The following MCTP2 variants were observed in gnomAD, a reference collection of about 807,000 sequenced individuals.
MCTP2 encodes the protein multiple C2 and transmembrane domain-containing protein 2.
In MCTP2, 132 loss-of-function variants were observed where a neutral mutation model predicts 111.6. The ratio of observed to expected loss-of-function variants is 1.18; its 90% CI spans 1.03 to 1.37. The LOEUF (loss-of-function observed/expected upper bound fraction) is 1.37. Ranked by LOEUF, MCTP2 falls within the 40% of genes most tolerant of loss-of-function variation. MCTP2 has a pLI of 0.00. For synonymous variants in MCTP2, 395 were observed against 387.7 expected (o/e 1.02, Z -0.22); for missense variants, 1,183 against 1,067.9 (o/e 1.11, Z -1.50).
intron 14 of MCTP2, among the ~76,000 whole-genome samples, chr15:94,392,075 A>G (rs1371144447): frequency 1.3e-5 from 2 of 152,196 alleles, no homozygotes; most frequent in African/African-American, 2.4e-5. Context: ...TGAATTAACA[A>G]TAAGGTTATT....
intron 17 of MCTP2, among the ~76,000 whole-genome samples, chr15:94,429,060 ACT>A (rs1264943191): frequency 6.6e-6 from 1 of 151,004 alleles, no homozygotes; most frequent in Non-Finnish European, 1.5e-5. Context: ...CCTCATCCTC[ACT>A]CTCGTAGAAT....
chr15:94,473,306 GT>G (rs1289001859), intron 21 of MCTP2, among the ~76,000 whole-genome samples: 3 of 152,096 alleles, frequency 2.0e-5, no homozygotes, highest in African/African-American at 7.2e-5. Context: ...TCTTTAATGA[GT>G]TCTTAAATAT....
chr15:94,237,376 C>T (rs995983567), intron 1 of MCTP2, among the ~76,000 whole-genome samples: 1 of 151,716 alleles, frequency 6.6e-6, no homozygotes, highest in African/African-American at 2.4e-5. Context: ...GGTGGAAGGA[C>T]GTCCTCAATG....
At chr15:94,358,908 C>T (rs774660432) in intron 10 of MCTP2, among the ~76,000 whole-genome samples, 3 of 152,074 alleles carry the variant, frequency 2.0e-5, no homozygotes, top group African/African-American at 4.8e-5. Context: ...TTCCAATATA[C>T]GCTATAATTT....
intron 1 of MCTP2, among the ~76,000 whole-genome samples, chr15:94,249,642 C>T (rs534627666): frequency 6.6e-5 from 10 of 152,176 alleles, no homozygotes; most frequent in Admixed American, 3.3e-4. Flanking sequence ...CCCGCCACCA[C>T]GCCCAGCTAA....
intron 19 of MCTP2, among the ~76,000 whole-genome samples, chr15:94,447,637 A>C (rs1042849857): frequency 7.3e-6 from 1 of 136,702 alleles, no homozygotes; most frequent in African/African-American, 2.9e-5. Context: ...ATGGCCTCCC[A>C]AAGTTCTGGG....
chr15:94,433,951 TATTAA>T (rs2083323422), intron 17 of MCTP2, among the ~76,000 whole-genome samples: 1 of 152,244 alleles, frequency 6.6e-6, no homozygotes, highest in Admixed American at 6.5e-5. Flanking sequence ...TGAGTCGTCT[TATTAA>T]ATTGTAATAA....
chr15:94,263,476 A>G (rs1304217776), intron 1 of MCTP2, among the ~76,000 whole-genome samples: 4 of 152,112 alleles, frequency 2.6e-5, no homozygotes, highest in Non-Finnish European at 5.9e-5. Context: ...CGTATTGTTG[A>G]CTCATTAACT....
intron 17 of MCTP2, among the ~76,000 whole-genome samples, chr15:94,436,881 A>C (rs75408871): frequency 6.6e-6 from 1 of 151,864 alleles, no homozygotes; most frequent in Non-Finnish European, 1.5e-5. Context: ...CAAAAAACGT[A>C]ACAATAGGGA....
chr15:94,351,544 T>A (rs997499999), intron 8 of MCTP2, among the ~76,000 whole-genome samples: 1 of 152,206 alleles, frequency 6.6e-6, no homozygotes, highest in African/African-American at 2.4e-5. Context: ...TACTTTCCCA[T>A]AATGACTTAG....
chr15:94,336,500 G>T (rs2077366769), intron 4 of MCTP2, among the ~76,000 whole-genome samples: 1 of 152,072 alleles, frequency 6.6e-6, no homozygotes, highest in Non-Finnish European at 1.5e-5. Context: ...CTCGGAAATG[G>T]CCGGAAGCTG....
intron 8 of MCTP2, among the ~76,000 whole-genome samples, chr15:94,353,349 T>A (rs1289333875): frequency 2.0e-5 from 3 of 152,194 alleles, no homozygotes; most frequent in Non-Finnish European, 4.4e-5. Context: ...CCTCCCATGC[T>A]GTTCCGCCAT....
chr15:94,319,229 C>T (rs28698073), intron 4 of MCTP2, among the ~76,000 whole-genome samples: 13,785 of 152,188 alleles, frequency 0.091, 2,152 homozygotes, highest in African/African-American at 0.32. Context: ...CAGGGCAAGA[C>T]GGCATTTGAG....
chr15:94,463,354 T>C (rs1044332842), intron 20 of MCTP2, among the ~76,000 whole-genome samples: 12 of 152,202 alleles, frequency 7.9e-5, no homozygotes, highest in African/African-American at 2.9e-4. Flanking sequence ...TACTTGATAG[T>C]GTGGTGCTAG....
At chr15:94,355,820 C>T (rs1334455128) in intron 8 of MCTP2, 1 of 644,322 alleles carries the variant, frequency 1.6e-6, no homozygotes, top group Non-Finnish European at 1.9e-6. Context: ...TTCTTCCTCT[C>T]ACACTATTAA....
intron 1 of MCTP2, among the ~76,000 whole-genome samples, chr15:94,282,345 G>C (rs2074530580): frequency 6.6e-6 from 1 of 152,032 alleles, no homozygotes; most frequent in East Asian, 1.9e-4. Flanking sequence ...TGTTAGTAAT[G>C]CTTCCAATTG....
In MCTP2 at chr15:94,237,455, T is replaced by TTA. The variant is rs869105892; in HGVS notation, c.-66+5791_-66+5792insTA. On this transcript the variant is annotated intron_variant, in intron 1 of 22. Transcript: ENST00000357742. ...CTAAACTCGGATTTTTTTTTTTTTT[T>TTA]ATGCTGCCCAAATTCTTATCTAAGG... Among the ~76,000 whole-genome samples the TTA allele has an allele frequency of 1.8e-3, 264 of 150,370 alleles. 10 individuals are homozygous for TTA. The South Asian group carries it at 0.053, about 30-fold the overall frequency.
chr15:94,314,292 G>A lies in MCTP2; in HGVS notation c.476G>A (p.Gly159Glu). The change falls in exon 3 of 23, where the codon GGA (glycine) becomes GAA (glutamate). Residue 159 changes from glycine (G) to glutamate (E), a missense_variant. Coordinates refer to ENST00000357742, the MANE Select transcript of MCTP2 (RefSeq NM_001385001.1). ...DAPEEPEKLC[G>E]SSDLNASMTS... ...TCTTTTTCTTTGCAGAAGCTATGTG[G>A]AAGCAGTGACCTGAATGCTTCTATG... 6.2e-7 allele frequency: 1 copy of A among 1,608,246 alleles called. No individual in the cohort carries two copies.
intron 14 of MCTP2, among the ~76,000 whole-genome samples, chr15:94,390,001 T>C (rs1309714905): frequency 6.7e-6 from 1 of 149,492 alleles, no homozygotes; most frequent in East Asian, 2.0e-4. Context: ...TACTGACTCA[T>C]TTAAAATCCA....
Sources: gnomAD v4.1 joint callset for allele counts (sites outside exome capture counted in the v4.1 genomes callset) on GRCh38, gnomAD v4.1.1 for gene constraint, MANE v1.5 for transcripts, NCBI Gene and HGNC (gene_info 2026-07-23, HGNC 2026-07-21) for gene names.